PTK2: variants seen among roughly 807,000 people sequenced by gnomAD.
PTK2 encodes focal adhesion kinase 1.
In PTK2, 45 loss-of-function variants were observed where a neutral mutation model predicts 150.1. The observed-to-expected ratio is 0.30, with a 90% confidence interval of 0.24 to 0.38. PTK2 has a LOEUF of 0.38. Among genes scored for constraint, PTK2 ranks in the 10% least tolerant of loss-of-function variants. The probability of loss-of-function intolerance (pLI) is 1.00; values close to 1 mark genes in which losing one functional copy is unlikely to be tolerated. For missense variants in PTK2, 919 were observed against 1,307.3 expected (o/e 0.70, Z 4.58); for synonymous variants, 432 against 449.2 (o/e 0.96, Z 0.48).
upstream of PTK2, chr8:141,001,937 C>A (rs763061855): frequency 6.6e-6 from 1 of 152,198 alleles, no homozygotes; most frequent in African/African-American, 2.4e-5. Flanking sequence ...ACTTAGAAGT[C>A]CACTGGAGGT....
At chr8:140,681,348 G>A (rs557943828) in intron 27 of PTK2, among the ~76,000 whole-genome samples, 5 of 145,014 alleles carry the variant, frequency 3.4e-5, no homozygotes, top group South Asian at 2.1e-4. Flanking sequence ...GCGAGACTCC[G>A]TCTCAAAAAA....
intron 5 of PTK2, among the ~76,000 whole-genome samples, chr8:140,859,249 T>C (rs2100134664): frequency 6.6e-6 from 1 of 152,024 alleles, no homozygotes; most frequent in Admixed American, 6.6e-5. Flanking sequence ...AAATACAAAA[T>C]TCAGGATAAT....
At chr8:140,800,885 A>G (rs1348157777) in intron 11 of PTK2, among the ~76,000 whole-genome samples, 1 of 152,208 alleles carries the variant, frequency 6.6e-6, no homozygotes, top group Non-Finnish European at 1.5e-5. Context: ...ACTCCAGTTA[A>G]GGGAAGAATT....
chr8:140,979,145 G>A (rs1170697760), intron 1 of PTK2, among the ~76,000 whole-genome samples: 1 of 150,716 alleles, frequency 6.6e-6, no homozygotes, highest in Non-Finnish European at 1.5e-5. Flanking sequence ...AGCATTAGGA[G>A]ATATACTTAA....
At chr8:140,793,815 T>C (rs2154586442) in intron 12 of PTK2, among the ~76,000 whole-genome samples, 1 of 152,314 alleles carries the variant, frequency 6.6e-6, no homozygotes, top group Middle Eastern at 3.4e-3. Context: ...CAGGTGTGCA[T>C]GGCTGCCAAC....
intron 8 of PTK2, among the ~76,000 whole-genome samples, chr8:140,820,076 GTTTTTTTTTTTTTTTTTTTTT>G (rs370537018): frequency 1.0e-3 from 51 of 50,256 alleles, no homozygotes; most frequent in South Asian, 4.6e-3. Context: ...TCTGACTTTG[GTTTTTTTTTTTTTTTTTTTTT>G]TTTTTTTTTT....
intron 30 of PTK2, among the ~76,000 whole-genome samples, chr8:140,667,305 C>T (rs549900405): frequency 1.1e-4 from 16 of 152,244 alleles, no homozygotes; most frequent in Non-Finnish European, 1.6e-4. Flanking sequence ...AAAGTATGTT[C>T]GAGTATGTTT....
At chr8:140,859,985 C>G (rs902819418) in intron 5 of PTK2, among the ~76,000 whole-genome samples, 4 of 152,166 alleles carry the variant, frequency 2.6e-5, no homozygotes, top group African/African-American at 9.7e-5. Flanking sequence ...GCAATAAAAA[C>G]TCATAGTATA....
intron 14 of PTK2, among the ~76,000 whole-genome samples, chr8:140,788,860 G>A (rs2100086591): frequency 6.6e-6 from 1 of 152,090 alleles, no homozygotes; most frequent in African/African-American, 2.4e-5. Context: ...GATGGTATAT[G>A]TATTTTAAGA....
At chr8:140,826,097 G>GA (rs1049073901) in intron 8 of PTK2, among the ~76,000 whole-genome samples, 1 of 151,718 alleles carries the variant, frequency 6.6e-6, no homozygotes, top group Non-Finnish European at 1.5e-5. Flanking sequence ...AATAGAAAGG[G>GA]AAAAAAAATC....
intron 15 of PTK2, among the ~76,000 whole-genome samples, chr8:140,763,095 T>G (rs1040263045): frequency 1.3e-5 from 2 of 152,122 alleles, no homozygotes; most frequent in Non-Finnish European, 1.5e-5. Context: ...AAACCTAAGT[T>G]TAAACATTTT....
intron 14 of PTK2, among the ~76,000 whole-genome samples, chr8:140,784,851 T>C (rs1343557754): frequency 6.6e-6 from 1 of 152,228 alleles, no homozygotes; most frequent in Non-Finnish European, 1.5e-5. Context: ...CTGTGTGAAT[T>C]TCAAAGATAC....
At chr8:140,906,641 G>C (rs886381999) in intron 2 of PTK2, among the ~76,000 whole-genome samples, 2 of 152,124 alleles carry the variant, frequency 1.3e-5, no homozygotes, top group Non-Finnish European at 2.9e-5. Flanking sequence ...AGAGTAGAGT[G>C]GTGGTTACCA....
At chr8:140,696,085 C>T (rs564103248) in intron 26 of PTK2, among the ~76,000 whole-genome samples, 1 of 152,142 alleles carries the variant, frequency 6.6e-6, no homozygotes, top group Admixed American at 6.5e-5. Flanking sequence ...TAACACTGTA[C>T]GGTGGTACAT....
rs1019348642 is a variant in PTK2 at position 140,668,277 on chromosome 8, T to C, written c.2857A>G (p.Met953Val). The C allele has an allele frequency of 9.9e-6, 16 of 1,613,984 alleles. No individual in the cohort carries two copies. The African/African-American group carries it at 2.0e-4, about 20-fold the overall frequency. Reference sequence around the variant, plus strand: ...AAATGACTCTATTTTACCTTCACCATAGGGACATACTCCTCTGGTGGGGCT... The same window carrying C: ...AAATGACTCTATTTTACCTTCACCACAGGGACATACTCCTCTGGTGGGGCT... Residue 953 changes from methionine (M) to valine (V), a missense_variant, in exon 30 of 32, where the codon ATG becomes GTG. Physicochemically the swap from Met to Val is conservative, Grantham distance 21. Transcript: ENST00000522684.
chr8:140,886,509 C>T (rs371012532), intron 3 of PTK2, among the ~76,000 whole-genome samples: 46 of 152,060 alleles, frequency 3.0e-4, no homozygotes, highest in African/African-American at 9.9e-4. Context: ...CAAGAGACTA[C>T]GGGGACATTA....
chr8:140,697,870 TTTTTTTTTTTTG>T (rs1352377704), intron 26 of PTK2, among the ~76,000 whole-genome samples: 1 of 139,396 alleles, frequency 7.2e-6, no homozygotes, highest in African/African-American at 2.7e-5. Context: ...TTTTTTTTTT[TTTTTTTTTTTTG>T]CCACAGGGTC....
At chr8:140,786,804 AAGTGATAGTC>A (rs756002239) in intron 14 of PTK2, among the ~76,000 whole-genome samples, 11 of 152,096 alleles carry the variant, frequency 7.2e-5, no homozygotes, top group Non-Finnish European at 1.2e-4. Flanking sequence ...TAAATCACCT[AAGTGATAGTC>A]ATATATTGAA....
chr8:140,879,760 T>C, intron 3 of PTK2, 123 bp from the exon 4 acceptor site: 2 of 792,604 alleles, frequency 2.5e-6, no homozygotes, highest in Non-Finnish European at 3.5e-6. Flanking sequence ...TAATGCAATG[T>C]TCATTTCTTT....
Sources: gnomAD v4.1 joint callset for allele counts (sites outside exome capture counted in the v4.1 genomes callset) on GRCh38, gnomAD v4.1.1 for gene constraint, MANE v1.5 for transcripts, NCBI Gene and HGNC (gene_info 2026-07-23, HGNC 2026-07-21) for gene names.